Variants in VWA3A observed in about 807,000 individuals in gnomAD.
The protein encoded by VWA3A is von Willebrand factor A domain containing 3A.
A neutral mutation model predicts 160.4 loss-of-function variants in VWA3A; 134 were observed. The ratio of observed to expected loss-of-function variants is 0.84; its 90% confidence interval spans 0.73 to 0.96. The LOEUF (loss-of-function observed/expected upper bound fraction) is 0.96. Among genes scored for constraint, VWA3A ranks in the 40% least tolerant of loss-of-function variants. The pLI, the probability that VWA3A is intolerant of heterozygous loss-of-function variation, is 0.00. For synonymous variants in VWA3A, 476 were observed against 543.4 expected (o/e 0.88, Z 1.72); for missense variants, 1,310 against 1,447.9 (o/e 0.90, Z 1.55).
rs142007626 is a variant in VWA3A at position 22,144,969 on chromosome 16, C to T, written c.2730+585C>T. ...ATAGCAATTGCTGAGAAGATTGGGCCGTGGCTGAAGTGTTCACCCATAAGA... is the reference window on the plus strand; with the variant it reads ...ATAGCAATTGCTGAGAAGATTGGGCTGTGGCTGAAGTGTTCACCCATAAGA... On this transcript the variant is annotated intron_variant, in intron 26 of 33. Coordinates refer to ENST00000389398, the MANE Select transcript of VWA3A (RefSeq NM_173615.5). Among the ~76,000 whole-genome samples the T allele has an allele frequency of 2.5e-4, 38 of 152,122 alleles. No homozygotes were observed. In the East Asian group the frequency reaches 7.0e-3, roughly 28 times the overall value.
intron 8 of VWA3A, among the ~76,000 whole-genome samples, chr16:22,113,353 G>A (rs963993148): frequency 2.5e-5 from 3 of 118,248 alleles, no homozygotes; most frequent in African/African-American, 3.2e-5. Context: ...CACAATGCCT[G>A]GCTAATTTTC....
intron 13 of VWA3A, 76 bp from the exon 14 acceptor site, chr16:22,121,431 AAAACCCT>A (rs1392160702): frequency 6.0e-6 from 7 of 1,167,764 alleles, no homozygotes; most frequent in Non-Finnish European, 8.8e-6. Context: ...GTGACAGAGC[AAAACCCT>A]GTCTCAAAAA....
rs200271937 is a variant in VWA3A, at chr16:22,141,610, G to A, written c.2412G>A (p.Met804Ile). Residue 804 changes from methionine to isoleucine, a missense_variant, in exon 24 of 34, where the codon ATG becomes ATA. Physicochemically the swap from Met to Ile is conservative, Grantham distance 10. Transcript: ENST00000389398. Reference protein sequence around the residue: ...PAAAQPTKEGMMELRRKTKSR... With the variant: ...PAAAQPTKEGIMELRRKTKSR... ...CGGCCCAGCCAACGAAAGAAGGGATGATGGAACTGAGGAGGAAGACCAAGT... is the reference window on the plus strand; with the variant it reads ...CGGCCCAGCCAACGAAAGAAGGGATAATGGAACTGAGGAGGAAGACCAAGT... 2.7e-5 allele frequency: 44 copies of A among 1,612,176 alleles called. No homozygotes were observed. In the South Asian group the frequency reaches 3.4e-4, roughly 13 times the overall value.
chr16:22,152,522 A>G lies in VWA3A; in HGVS notation c.3293A>G (p.Glu1098Gly), dbSNP rs1217801168. The G allele has an allele frequency of 6.2e-7, 1 of 1,612,252 alleles. No individual in the cohort carries two copies. The highest frequency in any genetic ancestry group is 1.3e-5 in the African/African-American group (1 of 74,964). Residue 1098 changes from glutamate to glycine, a missense_variant, in exon 31 of 34, where the codon GAG becomes GGG. Glu to Gly is a moderately conservative substitution (Grantham distance 98). Coordinates refer to ENST00000389398, the MANE Select transcript of VWA3A (RefSeq NM_173615.5). ...TCCCTTCCTTCCAGAGCGGCGGTTG[A>G]GTTCCTGAGAAAGCTGGCTTCCTTC... ...SLNCSDRAAV[E>G]FLRKLASFTG...
chr16:22,141,186 T>C, intron 23 of VWA3A: 1 of 464,318 alleles, frequency 2.2e-6, no homozygotes, highest in South Asian at 1.5e-5. Flanking sequence ...CCATGTATTT[T>C]ATTTCTAATG....
chr16:22,116,936 C>T, intron 10 of VWA3A, 69 bp downstream of exon 10: 1 of 1,506,670 alleles, frequency 6.6e-7, no homozygotes. Flanking sequence ...GCCTTTGAGG[C>T]CTCATGCTTG....
chr16:22,105,233 T>A (rs879321115), intron 6 of VWA3A, among the ~76,000 whole-genome samples: 13 of 152,254 alleles, frequency 8.5e-5, no homozygotes, highest in Non-Finnish European at 1.9e-4. Context: ...CACTACCCCA[T>A]CCTCGCACCT....
chr16:22,116,057 A>G (rs1432808091), intron 9 of VWA3A, among the ~76,000 whole-genome samples: 3 of 151,162 alleles, frequency 2.0e-5, no homozygotes, highest in Admixed American at 6.6e-5. Context: ...TCACACATAC[A>G]TGAGGGAGGG....
rs756294308 is a variant in VWA3A at position 22,148,155 on chromosome 16, G to A, written c.2840-7G>A. ...TCCCTGCCTCTTCCCCACCTGTCTCGGAGCAGGGAGCCGCCGACTGTTTGG... is the reference window on the plus strand; with the variant it reads ...TCCCTGCCTCTTCCCCACCTGTCTCAGAGCAGGGAGCCGCCGACTGTTTGG... On this transcript the variant is annotated splice_polypyrimidine_tract_variant and splice_region_variant and intron_variant, in intron 27 of 33. Coordinates refer to ENST00000389398, the MANE Select transcript of VWA3A (RefSeq NM_173615.5). 80 of 1,594,344 alleles carry A rather than the reference G, an allele frequency of 5.0e-5. No individual in the cohort carries two copies. Among genetic ancestry groups the A allele is most frequent in the South Asian group, 2.2e-4 (19 of 87,518 alleles).
intron 12 of VWA3A, among the ~76,000 whole-genome samples, chr16:22,120,676 C>A (rs1000100238): frequency 6.6e-6 from 1 of 152,092 alleles, no homozygotes; most frequent in Non-Finnish European, 1.5e-5. Flanking sequence ...TTAGGGGTGA[C>A]CTGTCACCTT....
intron 30 of VWA3A, 137 bp downstream of exon 30, chr16:22,150,983 G>C: frequency 8.2e-6 from 9 of 1,104,172 alleles, no homozygotes; most frequent in East Asian, 2.9e-5. Flanking sequence ...CTGTAAATCA[G>C]AAATTAGGAG....
At chr16:22,140,041 C>G in intron 22 of VWA3A, 113 bp from the exon 23 acceptor site, 1 of 1,008,002 alleles carries the variant, frequency 9.9e-7, no homozygotes, top group Non-Finnish European at 1.5e-6. Context: ...GAGTCCCCTC[C>G]CTTAGGCTCC....
chr16:22,110,982 T>C lies in VWA3A; in HGVS notation c.677T>C (p.Val226Ala), dbSNP rs757463144. Residue 226 changes from valine (V) to alanine (A), a missense_variant, in exon 8 of 34, where the codon GTC becomes GCC. Coordinates refer to ENST00000389398, the MANE Select transcript of VWA3A (RefSeq NM_173615.5). ...TCCCTCTGGCCAGACCCCATGGAAG[T>C]CAGCGCCTCCACGTGAGTGGCTTTC... ...AGSLWPDPMEVSASTLQELKL... is the reference protein window; with the variant it reads ...AGSLWPDPMEASASTLQELKL... The C allele has an allele frequency of 2.5e-6, 4 of 1,607,452 alleles. No homozygotes were observed. In the Admixed American group the frequency reaches 6.8e-5, roughly 27 times the overall value.
intron 3 of VWA3A, among the ~76,000 whole-genome samples, chr16:22,098,911 C>CAA (rs900328333): frequency 0.072 from 2,953 of 41,082 alleles, 395 homozygotes; most frequent in South Asian, 0.12. Flanking sequence ...CCTGTTTCCA[C>CAA]AAAAAAAAAA....
At chr16:22,124,638 G>C (rs7191365) in intron 16 of VWA3A, among the ~76,000 whole-genome samples, 78,583 of 150,704 alleles carry the variant, frequency 0.52, 24,904 homozygotes, top group African/African-American at 0.87. Flanking sequence ...AAGCGATTCT[G>C]CTGCCTCAGC....
chr16:22,133,283 C>T (rs1466604780), intron 20 of VWA3A, among the ~76,000 whole-genome samples, 188 bp downstream of exon 20: 1 of 152,124 alleles, frequency 6.6e-6, no homozygotes, highest in Non-Finnish European at 1.5e-5. Flanking sequence ...CACTTAATGC[C>T]ACTGAATTGT....
intron 17 of VWA3A, among the ~76,000 whole-genome samples, chr16:22,130,879 AAAAC>A (rs2045934889): frequency 6.6e-6 from 1 of 151,960 alleles, no homozygotes; most frequent in Non-Finnish European, 1.5e-5. Flanking sequence ...TTAAAAAAAA[AAAAC>A]AAACTATAGT....
intron 6 of VWA3A, among the ~76,000 whole-genome samples, chr16:22,107,612 G>A (rs977016943): frequency 2.6e-5 from 4 of 152,094 alleles, no homozygotes; most frequent in African/African-American, 7.2e-5. Context: ...CAGGTGTGGT[G>A]GCACACACCT....
intron 17 of VWA3A, among the ~76,000 whole-genome samples, chr16:22,128,950 G>A (rs558359123): frequency 1.3e-5 from 2 of 152,222 alleles, no homozygotes; most frequent in African/African-American, 4.8e-5. Context: ...TGAGAGAAAG[G>A]AAATCAGGAA....
Sources: gnomAD v4.1 joint callset for allele counts (sites outside exome capture counted in the v4.1 genomes callset) on GRCh38, gnomAD v4.1.1 for gene constraint, MANE v1.5 for transcripts, NCBI Gene and HGNC (gene_info 2026-07-23, HGNC 2026-07-21) for gene names.